The following NALF1 variants were observed in gnomAD, a reference collection of about 807,000 sequenced individuals.
NALF1 encodes NALCN channel auxiliary factor 1, also known as family with sequence similarity 155 member A.
NALF1 carries 3 observed loss-of-function variants against 48.4 expected under a neutral mutation model. The ratio of observed to expected loss-of-function variants is 0.06; its 90% confidence interval spans 0.03 to 0.16. The LOEUF (loss-of-function observed/expected upper bound fraction) is 0.16. NALF1 is among the 10% of genes least tolerant of loss of function. The pLI is 1.00. For missense variants in NALF1, 526 were observed against 571.5 expected (o/e 0.92, Z 0.81); for synonymous variants, 262 against 245.7 (o/e 1.07, Z -0.62).
intron 1 of NALF1, among the ~76,000 whole-genome samples, chr13:107,393,629 A>C (rs980662188): frequency 6.6e-6 from 1 of 152,196 alleles, no homozygotes; most frequent in Admixed American, 6.5e-5. Context: ...GACGGAGACA[A>C]TTAAAAGGAA....
At chr13:107,438,163 T>C (rs1253345320) in intron 1 of NALF1, among the ~76,000 whole-genome samples, 1 of 152,168 alleles carries the variant, frequency 6.6e-6, no homozygotes, top group East Asian at 1.9e-4. Context: ...AAATGGAGAA[T>C]TCTAGAAATA....
In NALF1 at chr13:107,199,839, C is replaced by A. The variant is rs564293106; in HGVS notation, c.1087+10745G>T. Among the ~76,000 whole-genome samples, 9 of 152,280 alleles carry A rather than the reference C, an allele frequency of 5.9e-5. 1 individual carries two copies. The South Asian group carries it at 1.7e-3, about 28-fold the overall frequency. On this transcript the variant is annotated intron_variant, in intron 2 of 2. Coordinates refer to ENST00000375915, the MANE Select transcript of NALF1 (RefSeq NM_001080396.3). ...TTGTTAAAGTGCATCCAACCATCAG[C>A]CCCCTTGCCCCTTCACAGCATTGCC...
chr13:107,828,606 TACACACAC>T (rs60869824), intron 1 of NALF1, among the ~76,000 whole-genome samples: 2,170 of 103,988 alleles, frequency 0.021, 51 homozygotes, highest in African/African-American at 0.05. Context: ...TCTATATCTA[TACACACAC>T]ACACACACAC....
intron 1 of NALF1, among the ~76,000 whole-genome samples, chr13:107,696,409 C>T (rs1324980688): frequency 1.3e-5 from 2 of 152,092 alleles, no homozygotes; most frequent in African/African-American, 4.8e-5. Context: ...TAACTGACAA[C>T]GTTACACAAA....
At chr13:107,530,689 C>T (rs1346977836) in intron 1 of NALF1, among the ~76,000 whole-genome samples, 1 of 152,002 alleles carries the variant, frequency 6.6e-6, no homozygotes, top group Non-Finnish European at 1.5e-5. Flanking sequence ...AATAATATTG[C>T]AAATCACCAC....
chr13:107,796,899 C>T (rs987515365), intron 1 of NALF1, among the ~76,000 whole-genome samples: 1 of 152,162 alleles, frequency 6.6e-6, no homozygotes, highest in Non-Finnish European at 1.5e-5. Context: ...CTTCCATCAC[C>T]TTATTTTACC....
chr13:107,207,295 T>C (rs568806090), intron 2 of NALF1, among the ~76,000 whole-genome samples: 2 of 152,342 alleles, frequency 1.3e-5, no homozygotes, highest in South Asian at 2.1e-4. Context: ...TTTATTATTC[T>C]GTTTTCAGAG....
intron 1 of NALF1, among the ~76,000 whole-genome samples, chr13:107,585,351 T>G (rs1054725461): frequency 1.3e-5 from 2 of 148,960 alleles, no homozygotes; most frequent in African/African-American, 5.0e-5. Context: ...TAAACCCAAG[T>G]GCTTTCTCAG....
chr13:107,507,893 A>G (rs531081282), intron 1 of NALF1, among the ~76,000 whole-genome samples: 2 of 152,276 alleles, frequency 1.3e-5, no homozygotes, highest in East Asian at 1.9e-4. Context: ...TGCTCTTCCA[A>G]TGCAATGCAG....
intron 1 of NALF1, among the ~76,000 whole-genome samples, chr13:107,360,968 T>C (rs1017938702): frequency 5.9e-5 from 9 of 152,162 alleles, no homozygotes; most frequent in African/African-American, 2.2e-4. Context: ...TTATCAGTGA[T>C]GTTTAATACA....
At chr13:107,550,968 T>A (rs1272355845) in intron 1 of NALF1, among the ~76,000 whole-genome samples, 1 of 152,138 alleles carries the variant, frequency 6.6e-6, no homozygotes. Flanking sequence ...CCTTATATGT[T>A]GTTCTTCCTG....
intron 1 of NALF1, among the ~76,000 whole-genome samples, chr13:107,536,908 G>T (rs1454362615): frequency 1.3e-5 from 2 of 152,096 alleles, no homozygotes; most frequent in Non-Finnish European, 1.5e-5. Context: ...CATAAAAAAA[G>T]GATGAGTTCA....
intron 1 of NALF1, among the ~76,000 whole-genome samples, chr13:107,707,364 A>G (rs1875426511): frequency 6.6e-6 from 1 of 152,214 alleles, no homozygotes; most frequent in African/African-American, 2.4e-5. Flanking sequence ...AGTAGATTTT[A>G]TGTGCAATAG....
intron 1 of NALF1, among the ~76,000 whole-genome samples, chr13:107,721,889 A>G (rs1875997524): frequency 6.6e-6 from 1 of 152,190 alleles, no homozygotes; most frequent in Admixed American, 6.5e-5. Context: ...AGATTCATGA[A>G]TATTTTAAAA....
chr13:107,538,175 T>G (rs1876891889), intron 1 of NALF1, among the ~76,000 whole-genome samples: 1 of 152,302 alleles, frequency 6.6e-6, no homozygotes, highest in Admixed American at 6.5e-5. Flanking sequence ...TTCTTCTATT[T>G]TCTACATCTG....
intron 1 of NALF1, among the ~76,000 whole-genome samples, chr13:107,357,023 G>A (rs913387707): frequency 6.6e-6 from 1 of 152,156 alleles, no homozygotes; most frequent in Admixed American, 6.5e-5. Flanking sequence ...TACACATCAA[G>A]AGGGAAAGGA....
At chr13:107,358,911 C>T (rs1594135954) in intron 1 of NALF1, among the ~76,000 whole-genome samples, 2 of 152,064 alleles carry the variant, frequency 1.3e-5, no homozygotes, top group Non-Finnish European at 2.9e-5. Context: ...ACCACAAAAG[C>T]GTATTCTGAA....
intron 1 of NALF1, among the ~76,000 whole-genome samples, chr13:107,216,565 T>C (rs1879877292): frequency 6.6e-6 from 1 of 152,218 alleles, no homozygotes; most frequent in Non-Finnish European, 1.5e-5. Flanking sequence ...TTGTCTTGGC[T>C]CCATTTCCTG....
intron 1 of NALF1, among the ~76,000 whole-genome samples, chr13:107,310,836 C>G (rs1039176268): frequency 2.6e-5 from 4 of 152,028 alleles, no homozygotes; most frequent in Non-Finnish European, 4.4e-5. Flanking sequence ...CACCACCACA[C>G]CTGGCTAAGA....
Sources: gnomAD v4.1 joint callset for allele counts (sites outside exome capture counted in the v4.1 genomes callset) on GRCh38, gnomAD v4.1.1 for gene constraint, MANE v1.5 for transcripts, NCBI Gene and HGNC (gene_info 2026-07-23, HGNC 2026-07-21) for gene names.